C15orf39: variants seen among roughly 807,000 people sequenced by gnomAD.
C15orf39 encodes the protein uncharacterized protein C15orf39.
C15orf39 carries 24 observed loss-of-function variants against 53.9 expected under a neutral mutation model. The observed-to-expected ratio is 0.45, with a 90% CI of 0.32 to 0.63. C15orf39 has a LOEUF of 0.63. Among genes scored for constraint, C15orf39 ranks in the 20% least tolerant of loss-of-function variants. The pLI, the probability that C15orf39 is intolerant of heterozygous loss-of-function variation, is 0.04. For synonymous variants in C15orf39, 569 were observed against 576.5 expected, an observed-to-expected ratio of 0.99 and a Z score of 0.19; for missense variants, 1,271 against 1,347.9, an observed-to-expected ratio of 0.94 and a Z score of 0.89.
chr15:75,208,378 C>T lies in C15orf39; in HGVS notation c.2330C>T (p.Ala777Val), dbSNP rs1276104634. 1 of 1,598,484 alleles carries T rather than the reference C, an allele frequency of 6.3e-7. No individual in the cohort carries two copies. The stretch of plus-strand genomic sequence containing the variant: ...GGACTACATGCGTCCCTGTGTGATG[C>T]TATTTCTGGCTCCGTCGCCCACTCT... ...FTGLHASLCD[A>V]ISGSVAHSPP... The change falls in exon 2 of 3, where the codon GCT becomes GTT. Residue 777 changes from alanine to valine, a missense_variant. Ala to Val is a moderately conservative substitution (Grantham distance 64). Transcript: ENST00000394987.
At chr15:75,208,987 C>G in intron 2 of C15orf39, 163 bp downstream of exon 2, 1 of 1,229,932 alleles carries the variant, frequency 8.1e-7, no homozygotes, top group Non-Finnish European at 1.1e-6. Flanking sequence ...CTTGACCCTC[C>G]AGACAATCAG....
At position 75,207,315 on chromosome 15, in the gene C15orf39, A is replaced by T; in HGVS notation, c.1267A>T (p.Ser423Cys). The T allele has an allele frequency of 6.2e-7, 1 of 1,613,352 alleles. No individual in the cohort carries two copies. The highest frequency in any genetic ancestry group is 8.5e-7 in the Non-Finnish European group (1 of 1,179,964). ...FQRACQPLPA[S>C]QPCSEPVRPA... is the part of the protein sequence containing the mutation. ...GAGGGCATGCCAGCCTTTGCCAGCGAGCCAGCCCTGCTCAGAGCCTGTGAG... is the reference window on the plus strand; with the variant it reads ...GAGGGCATGCCAGCCTTTGCCAGCGTGCCAGCCCTGCTCAGAGCCTGTGAG... Residue 423 changes from serine to cysteine, a missense_variant, in exon 2 of 3, where the codon AGC becomes TGC. Transcript: ENST00000394987.
chr15:75,209,792 G>C (rs562910562), intron 2 of C15orf39, among the ~76,000 whole-genome samples: 2 of 152,140 alleles, frequency 1.3e-5, no homozygotes, highest in African/African-American at 2.4e-5. Context: ...TTCCATCCCC[G>C]TAGTGGCAGC....
Position 75,206,596 on chromosome 15 carries a change from G to A in C15orf39, c.548G>A (p.Gly183Asp), listed in dbSNP as rs374466401. ...PCSLAPAPSK[G>D]QTLDGTFLRG... The stretch of plus-strand genomic sequence containing the variant: ...TCTCTGGCCCCAGCTCCTAGCAAGG[G>A]CCAGACTCTGGATGGCACCTTCTTG... Residue 183 changes from glycine to aspartate, a missense_variant, in exon 2 of 3, where the codon GGC (glycine) becomes GAC (aspartate). Gly to Asp is a moderately conservative substitution (Grantham distance 94, BLOSUM62 -1). Coordinates refer to ENST00000394987, the MANE Select transcript of C15orf39 (RefSeq NM_015492.5). 6.2e-7 allele frequency: 1 copy of A among 1,613,874 alleles called. No individual in the cohort carries two copies. The highest frequency in any genetic ancestry group is 1.7e-5 in the Admixed American group (1 of 60,006).
rs1317273276 is a variant in C15orf39, at chr15:75,210,911, C to T, written c.2939C>T (p.Ala980Val). ...TPGPEKAEAA[A>V]GEESCGASPT... ...GGCCCGGAGAAAGCAGAGGCAGCTG[C>T]TGGGGAAGAGTCCTGTGGTGCCTCC... Residue 980 changes from alanine (A) to valine (V), a missense_variant, in exon 3 of 3, where the codon GCT becomes GTT. Ala to Val is a moderately conservative substitution (Grantham distance 64). Transcript: ENST00000394987. 1 of 1,613,606 alleles carries T rather than the reference C, an allele frequency of 6.2e-7. No individual in the cohort carries two copies. The highest frequency in any genetic ancestry group is 1.1e-5 in the South Asian group (1 of 91,078).
chr15:75,209,869 AG>A (rs1230330204), intron 2 of C15orf39, among the ~76,000 whole-genome samples: 6 of 152,176 alleles, frequency 3.9e-5, no homozygotes, highest in African/African-American at 1.4e-4. Flanking sequence ...AGATGAGCTT[AG>A]GGGCTGGCTG....
At chr15:75,205,456 C>T (rs1485394478) in intron 1 of C15orf39, among the ~76,000 whole-genome samples, 1 of 152,018 alleles carries the variant, frequency 6.6e-6, no homozygotes, top group Non-Finnish European at 1.5e-5. Context: ...GAAGGGGCTC[C>T]TGGAGTGGGG....
intron 2 of C15orf39, among the ~76,000 whole-genome samples, 180 bp from the exon 3 acceptor site, chr15:75,210,569 C>T (rs2070475989): frequency 1.3e-5 from 2 of 152,202 alleles, no homozygotes; most frequent in Non-Finnish European, 2.9e-5. Context: ...TCTGGTGTCA[C>T]CTGGGGAGAA....
upstream of C15orf39, among the ~76,000 whole-genome samples, chr15:75,199,356 A>C (rs1343786568): frequency 6.6e-6 from 1 of 152,194 alleles, no homozygotes; most frequent in Non-Finnish European, 1.5e-5. Context: ...CAGCAAAAGC[A>C]GTCTGAGGGG....
intron 1 of C15orf39, among the ~76,000 whole-genome samples, chr15:75,203,129 G>T (rs910797892): frequency 8.5e-5 from 13 of 152,254 alleles, no homozygotes; most frequent in Admixed American, 3.3e-4. Context: ...GAATCCAGAT[G>T]CTGGCCACAA....
intron 2 of C15orf39, among the ~76,000 whole-genome samples, chr15:75,209,820 C>A (rs2070470864): frequency 6.6e-6 from 1 of 152,210 alleles, no homozygotes; most frequent in South Asian, 2.1e-4. Context: ...CGGGCCCTTA[C>A]CTGGTTGGGA....
rs1567138324 is a variant in C15orf39 at position 75,206,654 on chromosome 15, C to T, written c.606C>T (p.Asp202=). ...TGCCAGCTGAGGGGTCCAGTAAAGA[C>T]TCCTCAGGGAGCTTCTCCCCATGCC... The part of the protein sequence containing the change: ...RGVPAEGSSK[D]SSGSFSPCQP... The change falls in exon 2 of 3, where the codon GAC becomes GAT. Residue 202 remains aspartate, a synonymous_variant. Transcript: ENST00000394987. 6.2e-7 allele frequency: 1 copy of T among 1,613,736 alleles called. No homozygotes were observed. The highest frequency in any genetic ancestry group is 8.5e-7 in the Non-Finnish European group (1 of 1,179,980).
Position 75,207,594 on chromosome 15 carries a change from C to T in C15orf39, c.1546C>T (p.Leu516=). 3.1e-6 allele frequency: 5 copies of T among 1,612,666 alleles called. No homozygotes were observed. The change falls in exon 2 of 3, where the codon CTG becomes TTG. Residue 516 remains leucine (L), a synonymous_variant. Coordinates refer to ENST00000394987, the MANE Select transcript of C15orf39 (RefSeq NM_015492.5). ...CAGCCTGGCCCCCTACCGTGACTAT[C>T]TGGATGTGCCGGCACCCGAGGCCAC... ...VFSLAPYRDY[L]DVPAPEATTE...
intron 2 of C15orf39, among the ~76,000 whole-genome samples, chr15:75,210,505 C>G (rs57536322): frequency 0.015 from 2,287 of 152,316 alleles, 56 homozygotes; most frequent in African/African-American, 0.051. Context: ...CCCCTTTGCT[C>G]TCATCCTTGT....
At chr15:75,198,982 T>C (rs2070386841), upstream of C15orf39, 3 of 152,254 alleles carry the variant, frequency 2.0e-5, no homozygotes, top group African/African-American at 7.2e-5. Context: ...GAGTAGTCTC[T>C]AATATCCAGC....
chr15:75,207,968 G>A lies in C15orf39; in HGVS notation c.1920G>A (p.Arg640=). 6.2e-7 allele frequency: 1 copy of A among 1,613,922 alleles called. No homozygotes were observed. The highest frequency in any genetic ancestry group is 1.7e-5 in the Admixed American group (1 of 60,028). The change falls in exon 2 of 3, where the codon AGG becomes AGA. Residue 640 remains arginine (R), a synonymous_variant. Transcript: ENST00000394987. ...CAGTGACCACAGATGCCATGCCAAG[G>A]ACCAACTTCCACAGCTCTGTGGCCT... The part of the protein sequence containing the change: ...GVPVTTDAMP[R]TNFHSSVAFM...
chr15:75,210,953 G>C lies in C15orf39; in HGVS notation c.2981G>C (p.Ser994Thr). 6.2e-7 allele frequency: 1 copy of C among 1,613,420 alleles called. No individual in the cohort carries two copies. The highest frequency in any genetic ancestry group is 8.5e-7 in the Non-Finnish European group (1 of 1,179,998). Residue 994 changes from serine to threonine, a missense_variant, in exon 3 of 3, where the codon AGT becomes ACT. By Grantham distance (58) the Ser-to-Thr change is moderately conservative (BLOSUM62 1). Transcript: ENST00000394987. The part of the protein sequence containing the change: ...SCGASPTPAT[S>T]ASPPGPTLKA... ...GGTGCCTCCCCTACCCCTGCTACCA[G>C]TGCCAGCCCACCTGGCCCCACACTG...
intron 2 of C15orf39, chr15:75,209,388 C>G (rs986711393): frequency 2.6e-5 from 4 of 153,634 alleles, no homozygotes; most frequent in Non-Finnish European, 4.3e-5. Context: ...TCCTCATGCT[C>G]TAGACCTGGT....
chr15:75,201,342 T>C (rs542527129), upstream of C15orf39, among the ~76,000 whole-genome samples: 1 of 152,236 alleles, frequency 6.6e-6, no homozygotes, highest in African/African-American at 2.4e-5. The surrounding 1 kb of genome is among the most constrained non-coding windows in gnomAD (Gnocchi z 4.7). Context: ...GATGGGGAGA[T>C]TGCCGCTTCC....
Sources: gnomAD v4.1 joint callset for allele counts (sites outside exome capture counted in the v4.1 genomes callset) on GRCh38, gnomAD v4.1.1 for gene constraint, Gnocchi (gnomAD v3.1) non-coding constraint, MANE v1.5 for transcripts, NCBI Gene and HGNC (gene_info 2026-07-23, HGNC 2026-07-21) for gene names.